PLB1: variants seen among roughly 807,000 people sequenced by gnomAD.
PLB1 encodes the protein phospholipase B1, also known as phospholipase B1, membrane-associated.
PLB1 carries 242 observed loss-of-function variants against 227.4 expected under a neutral mutation model. The ratio of observed to expected loss-of-function variants is 1.06; its 90% CI spans 0.96 to 1.18. The LOEUF is 1.18. PLB1 is among the 50% of genes most tolerant of loss of function. The pLI is 0.00. For missense variants in PLB1, 1,858 were observed against 1,816.3 expected (o/e 1.02, Z -0.42); for synonymous variants, 757 against 682.2 (o/e 1.11, Z -1.71).
chr2:28,546,743 A>C (rs1325009030), intron 14 of PLB1, among the ~76,000 whole-genome samples: 2 of 152,174 alleles, frequency 1.3e-5, no homozygotes, highest in Non-Finnish European at 2.9e-5. Context: ...CATTTAGGAC[A>C]AAGTTCTCAA....
intron 33 of PLB1, among the ~76,000 whole-genome samples, chr2:28,597,235 G>A (rs1447163285): frequency 7.0e-6 from 1 of 142,650 alleles, no homozygotes; most frequent in Non-Finnish European, 1.5e-5. Context: ...CTGCACTCCA[G>A]CCTGGGCGAC....
At chr2:28,574,386 T>TTTG (rs1678562895) in intron 21 of PLB1, among the ~76,000 whole-genome samples, 1 of 126,892 alleles carries the variant, frequency 7.9e-6, no homozygotes, top group Non-Finnish European at 1.7e-5. Flanking sequence ...ATATCATTCT[T>TTTG]TTTTTTTTTT....
chr2:28,607,281 A>T (rs1434439714), intron 43 of PLB1, among the ~76,000 whole-genome samples: 1 of 152,174 alleles, frequency 6.6e-6, no homozygotes, highest in Non-Finnish European at 1.5e-5. Context: ...GGCCTGACCC[A>T]ATCTGGGAGG....
In PLB1 at chr2:28,532,180, C is replaced by T. The variant is rs1671103625; in HGVS notation, c.541C>T (p.Pro181Ser). The change falls in exon 9 of 58, where the codon CCC becomes TCC. Residue 181 changes from proline (P) to serine (S), a missense_variant. Coordinates refer to ENST00000327757, the MANE Select transcript of PLB1 (RefSeq NM_153021.5). Reference sequence around the variant, plus strand: ...TAATGCAAGCCAGTGTTACCTGTGCCCCTCTGCTCAACAGGTAAATGGCAG... The same window carrying T: ...TAATGCAAGCCAGTGTTACCTGTGCTCCTCTGCTCAACAGGTAAATGGCAG... The part of the protein sequence containing the change: ...FSNASQCYLC[P>S]SAQQNGLAAG... 6.2e-7 allele frequency: 1 copy of T among 1,611,764 alleles called. No individual in the cohort carries two copies. The highest frequency in any genetic ancestry group is 1.1e-5 in the South Asian group (1 of 90,670).
intron 20 of PLB1, 144 bp downstream of exon 20, chr2:28,566,983 C>A: frequency 1.2e-6 from 1 of 814,738 alleles, no homozygotes; most frequent in South Asian, 1.5e-5. Context: ...CCTCCCGAGA[C>A]TGCCGCCCAG....
chr2:28,640,500 A>G (rs777936592), intron 56 of PLB1, among the ~76,000 whole-genome samples: 5 of 152,226 alleles, frequency 3.3e-5, no homozygotes, highest in Non-Finnish European at 7.3e-5. Flanking sequence ...AAGGTTGACT[A>G]GCCCCATGCA....
intron 34 of PLB1, 74 bp downstream of exon 34, chr2:28,598,122 C>G (rs921825194): frequency 2.3e-6 from 3 of 1,302,282 alleles, no homozygotes; most frequent in Admixed American, 4.2e-5. Flanking sequence ...GAAAGTGCCT[C>G]CCAGGTAAGC....
intron 1 of PLB1, among the ~76,000 whole-genome samples, chr2:28,497,252 C>T (rs1275314407): frequency 2.0e-5 from 3 of 151,978 alleles, no homozygotes; most frequent in East Asian, 1.9e-4. Flanking sequence ...GAAGCTTGTC[C>T]TCCTATGGGG....
chr2:28,554,255 G>T (rs1228432029), intron 17 of PLB1, among the ~76,000 whole-genome samples: 1 of 151,872 alleles, frequency 6.6e-6, no homozygotes, highest in Non-Finnish European at 1.5e-5. Flanking sequence ...GATAGATTAG[G>T]TATAGATACA....
In PLB1 at chr2:28,562,914, G is replaced by A. The variant is rs867522008; in HGVS notation, c.1148-127G>A. ...TGGGTTTTTCCTATCTTTTATCCAAGGTGTCTTGGTGGTAAAAACTGACTT... is the reference window on the plus strand; with the variant it reads ...TGGGTTTTTCCTATCTTTTATCCAAAGTGTCTTGGTGGTAAAAACTGACTT... On this transcript the variant is annotated intron_variant, in intron 17 of 57. Transcript: ENST00000327757. The A allele has an allele frequency of 9.7e-5, 81 of 837,554 alleles. 1 individual carries two copies. In the South Asian group the frequency reaches 1.1e-3, roughly 11 times the overall value. The allele number at this position is 837,554 out of a possible 1,614,324, so 51.9% of individuals were successfully genotyped here.
intron 40 of PLB1, 91 bp downstream of exon 40, chr2:28,604,138 G>A (rs1161310019): frequency 2.4e-6 from 3 of 1,259,294 alleles, no homozygotes; most frequent in African/African-American, 2.9e-5. Context: ...ACACAGGGAA[G>A]GAAAAGCTGG....
intron 56 of PLB1, among the ~76,000 whole-genome samples, chr2:28,639,493 C>T (rs1423104148): frequency 6.6e-6 from 1 of 152,122 alleles, no homozygotes; most frequent in Non-Finnish European, 1.5e-5. Context: ...ACAGCTCTTC[C>T]CAGAAGTTAT....
rs1405510574 is a variant in PLB1 at position 28,529,734 on chromosome 2, G to C, written c.423G>C (p.Leu141Phe). The C allele has an allele frequency of 6.8e-6, 11 of 1,614,092 alleles. No individual in the cohort carries two copies. The South Asian group carries it at 1.1e-4, about 16-fold the overall frequency. Residue 141 changes from leucine (L) to phenylalanine (F), a missense_variant, in exon 8 of 58, where the codon TTG becomes TTC. By Grantham distance (22) the Leu-to-Phe change is conservative (BLOSUM62 0). Coordinates refer to ENST00000327757, the MANE Select transcript of PLB1 (RefSeq NM_153021.5). ...RVIPHDGAED[L>F]WIQAQELVRN... ...TTTCCCTCCCTCTGCACAGAGACTT[G>C]TGGATTCAGGCTCAAGAACTGGTGA... is the stretch of plus-strand genomic sequence containing the variant.
intron 14 of PLB1, among the ~76,000 whole-genome samples, chr2:28,544,353 C>T (rs1200503108): frequency 6.6e-6 from 1 of 152,250 alleles, no homozygotes; most frequent in African/African-American, 2.4e-5. Context: ...GCAGGGACTG[C>T]TCTCCCAAGC....
At chr2:28,511,303 G>T (rs1028688276) in intron 1 of PLB1, among the ~76,000 whole-genome samples, 15 of 150,258 alleles carry the variant, frequency 1.0e-4, no homozygotes, top group African/African-American at 3.4e-4. Flanking sequence ...CATTCTTTGT[G>T]TTTTTTTTTC....
At chr2:28,529,278 C>T (rs372549251) in intron 6 of PLB1, 39 bp from the exon 7 acceptor site, 199 of 1,467,154 alleles carry the variant, frequency 1.4e-4, no homozygotes, top group Non-Finnish European at 1.8e-4. Flanking sequence ...TGGCCTTCAG[C>T]TGGTGAAGGC....
At chr2:28,537,118 A>T (rs1572828158) in intron 9 of PLB1, among the ~76,000 whole-genome samples, 1 of 152,118 alleles carries the variant, frequency 6.6e-6, no homozygotes, top group South Asian at 2.1e-4. Context: ...GACCTGGCTG[A>T]CCCGGCCTCC....
intron 37 of PLB1, 52 bp from the exon 38 acceptor site, chr2:28,601,847 G>T: frequency 6.9e-7 from 1 of 1,450,514 alleles, no homozygotes; most frequent in Non-Finnish European, 9.7e-7. Flanking sequence ...CTGCCCCACT[G>T]CCCTCCCACC....
rs139585910 is a variant in PLB1, at chr2:28,525,288, G to A, written c.265G>A (p.Asp89Asn). The A allele has an allele frequency of 6.2e-6, 10 of 1,613,514 alleles. No individual in the cohort carries two copies. In the African/African-American group the frequency reaches 9.3e-5, roughly 15 times the overall value. The change falls in exon 5 of 58, where the codon GAT becomes AAT. Residue 89 changes from aspartate to asparagine, a missense_variant. By Grantham distance (23) the Asp-to-Asn change is conservative. Coordinates refer to ENST00000327757, the MANE Select transcript of PLB1 (RefSeq NM_153021.5). ...CCAGCCTCCAGACCCAGGGACGGGCGATCTGGAGAAGCAAGACTGGTAACT... is the reference window on the plus strand; with the variant it reads ...CCAGCCTCCAGACCCAGGGACGGGCAATCTGGAGAAGCAAGACTGGTAACT... ...LEIPPDPGTGDLEKQDWTERP... is the reference protein window; with the variant it reads ...LEIPPDPGTGNLEKQDWTERP...
Sources: gnomAD v4.1 joint callset for allele counts (sites outside exome capture counted in the v4.1 genomes callset) on GRCh38, gnomAD v4.1.1 for gene constraint, MANE v1.5 for transcripts, NCBI Gene and HGNC (gene_info 2026-07-23, HGNC 2026-07-21) for gene names.